Variants in MCTP1 observed in about 807,000 individuals in gnomAD.
MCTP1 encodes multiple C2 and transmembrane domain containing 1, also known as multiple C2 and transmembrane domain-containing protein 1.
Under a neutral mutation model 120.6 loss-of-function variants are expected in MCTP1, and 69 were observed. That is an observed-to-expected ratio of 0.57 (90% CI 0.47 to 0.70). The LOEUF is 0.70. MCTP1 is among the 30% of genes least tolerant of loss of function. The pLI is 0.00. For synonymous variants in MCTP1, 529 were observed against 493.1 expected (o/e 1.07, Z -0.96); for missense variants, 1,203 against 1,248.8 (o/e 0.96, Z 0.55).
intron 1 of MCTP1, among the ~76,000 whole-genome samples, chr5:95,237,360 T>G (rs1433417979): frequency 6.6e-6 from 1 of 152,018 alleles, no homozygotes; most frequent in Non-Finnish European, 1.5e-5. Context: ...AAAGTAACGG[T>G]TTTTGCCATT....
At position 95,110,833 on chromosome 5, in the gene MCTP1, G is replaced by C. The variant is rs993873919; in HGVS notation, c.721-93349C>G. Among the ~76,000 whole-genome samples the C allele has an allele frequency of 3.3e-5, 5 of 152,196 alleles. No individual in the cohort carries two copies. In the South Asian group the frequency reaches 6.2e-4, roughly 19 times the overall value. On this transcript the variant is annotated intron_variant, in intron 1 of 22. Coordinates refer to ENST00000515393, the MANE Select transcript of MCTP1 (RefSeq NM_024717.7). The stretch of plus-strand genomic sequence containing the variant: ...AGGACTTTTGAGTCTACCAATATTG[G>C]GGATGATAAAGCTTACTCCAATTGT...
At chr5:95,219,603 A>C (rs1753457211) in intron 1 of MCTP1, among the ~76,000 whole-genome samples, 1 of 152,160 alleles carries the variant, frequency 6.6e-6, no homozygotes, top group South Asian at 2.1e-4. Flanking sequence ...AAAGATCTAA[A>C]GCAGCTGTTC....
intron 17 of MCTP1, among the ~76,000 whole-genome samples, chr5:94,829,452 G>A (rs1354702005): frequency 6.6e-6 from 1 of 152,122 alleles, no homozygotes; most frequent in Non-Finnish European, 1.5e-5. Context: ...TTTTTTAAAA[G>A]GCAAAACCGC....
At chr5:94,798,785 G>C (rs535000105) in intron 18 of MCTP1, among the ~76,000 whole-genome samples, 1 of 152,212 alleles carries the variant, frequency 6.6e-6, no homozygotes, top group East Asian at 1.9e-4. Context: ...CTTTGATGTT[G>C]CTCCCTGTTT....
chr5:95,041,506 C>T (rs1417637661), intron 1 of MCTP1, among the ~76,000 whole-genome samples: 3 of 152,092 alleles, frequency 2.0e-5, no homozygotes, highest in Non-Finnish European at 2.9e-5. Context: ...AAACACACAT[C>T]GATCTAGAAC....
chr5:95,190,984 CA>C (rs1749767092), intron 1 of MCTP1, among the ~76,000 whole-genome samples: 1 of 151,846 alleles, frequency 6.6e-6, no homozygotes, highest in Non-Finnish European at 1.5e-5. Context: ...CAGTCAAACA[CA>C]AAGAAAAGAC....
chr5:95,036,104 A>G (rs1841249074), intron 1 of MCTP1, among the ~76,000 whole-genome samples: 1 of 152,158 alleles, frequency 6.6e-6, no homozygotes, highest in Admixed American at 6.5e-5. Flanking sequence ...GAAAAAGTGC[A>G]TAGCTACCAG....
At chr5:95,020,919 C>T (rs1344084903) in intron 1 of MCTP1, among the ~76,000 whole-genome samples, 1 of 152,022 alleles carries the variant, frequency 6.6e-6, no homozygotes, top group Non-Finnish European at 1.5e-5. Flanking sequence ...CTGCTTACTT[C>T]TGTGTCAATA....
At chr5:95,270,058 T>C (rs1394648639) in intron 1 of MCTP1, among the ~76,000 whole-genome samples, 1 of 152,192 alleles carries the variant, frequency 6.6e-6, no homozygotes. Flanking sequence ...TATAGGACTT[T>C]TAACGTATAA....
At chr5:95,165,758 G>A (rs1367061046) in intron 1 of MCTP1, among the ~76,000 whole-genome samples, 1 of 152,130 alleles carries the variant, frequency 6.6e-6, no homozygotes, top group East Asian at 1.9e-4. Flanking sequence ...GAGGGACTTG[G>A]TTTCTTACTT....
intron 20 of MCTP1, among the ~76,000 whole-genome samples, chr5:94,713,950 A>T (rs1758054970): frequency 6.6e-6 from 1 of 152,178 alleles, no homozygotes; most frequent in Non-Finnish European, 1.5e-5. Context: ...TTATACTAGG[A>T]AAATAAAGGT....
Position 94,714,825 on chromosome 5 carries a change from A to G in MCTP1, c.2672T>C (p.Val891Ala), listed in dbSNP as rs2152560086. The change falls in exon 20 of 23, where the codon GTC becomes GCC. Residue 891 changes from valine (V) to alanine (A), a missense_variant. By Grantham distance (64) the Val-to-Ala change is moderately conservative (BLOSUM62 0). Around this residue, in one of 2 missense-constraint regions of MCTP1, gnomAD observed 740 missense variants for 871.1 expected, o/e 0.85. Transcript: ENST00000515393. Reference protein sequence around the residue: ...IYAIQEVCVSVQNILDEVASF... With the variant: ...IYAIQEVCVSAQNILDEVASF... ...AGCCACTTCATCTAGGATGTTCTGG[A>G]CACTGACACATACCTCCTGGATGGC... 1.2e-6 allele frequency: 2 copies of G among 1,613,004 alleles called. No homozygotes were observed. The highest frequency in any genetic ancestry group is 1.1e-5 in the South Asian group (1 of 91,032).
intron 19 of MCTP1, among the ~76,000 whole-genome samples, chr5:94,740,839 T>C (rs1765365438): frequency 6.6e-6 from 1 of 152,164 alleles, no homozygotes; most frequent in Admixed American, 6.5e-5. Context: ...CTGACTCTAT[T>C]AACTTTGGGA....
chr5:94,897,303 G>T (rs1402565230), intron 10 of MCTP1, among the ~76,000 whole-genome samples: 1 of 150,912 alleles, frequency 6.6e-6, no homozygotes, highest in Non-Finnish European at 1.5e-5. Flanking sequence ...TGAACTCCTG[G>T]GCTCAAGCAA....
At chr5:95,168,916 C>T (rs1282277556) in intron 1 of MCTP1, among the ~76,000 whole-genome samples, 2 of 152,036 alleles carry the variant, frequency 1.3e-5, no homozygotes, top group African/African-American at 2.4e-5. Flanking sequence ...TTGCCCTGGC[C>T]AGAACTTCCA....
chr5:95,135,428 T>C (rs1759379385), intron 1 of MCTP1, among the ~76,000 whole-genome samples: 1 of 152,244 alleles, frequency 6.6e-6, no homozygotes, highest in African/African-American at 2.4e-5. Context: ...TGATGGTTGA[T>C]ACTGAGTGTC....
intron 1 of MCTP1, among the ~76,000 whole-genome samples, chr5:95,100,110 C>T: frequency 8.0e-6 from 1 of 125,362 alleles, no homozygotes; most frequent in Non-Finnish European, 1.6e-5. Context: ...ACATCACACT[C>T]TGGGGACTGT....
intron 1 of MCTP1, among the ~76,000 whole-genome samples, chr5:95,175,557 A>C (rs1169838025): frequency 6.6e-6 from 1 of 152,206 alleles, no homozygotes; most frequent in Non-Finnish European, 1.5e-5. Flanking sequence ...TTCTCCTCCT[A>C]CCACACAATA....
chr5:94,938,021 G>A (rs989642203), intron 5 of MCTP1, among the ~76,000 whole-genome samples: 4 of 151,822 alleles, frequency 2.6e-5, no homozygotes, highest in Non-Finnish European at 5.9e-5. Flanking sequence ...ACCTCCTATA[G>A]GTAAACCTAC....
Sources: gnomAD v4.1 joint callset for allele counts (sites outside exome capture counted in the v4.1 genomes callset) on GRCh38, gnomAD v4.1.1 for gene constraint, gnomAD v4.1.1 regional missense constraint, MANE v1.5 for transcripts, NCBI Gene and HGNC (gene_info 2026-07-23, HGNC 2026-07-21) for gene names.